Variants in PUDP observed in about 807,000 individuals in gnomAD.
PUDP encodes pseudouridine 5'-phosphatase, also known as pseudouridine-5'-phosphatase.
PUDP carries 8 observed loss-of-function variants against 9.4 expected under a neutral mutation model. That is an observed-to-expected ratio of 0.85 (90% CI 0.50 to 1.53). The LOEUF is 1.53. Among genes scored for constraint, PUDP ranks in the 40% most tolerant of loss-of-function variants. The probability of loss-of-function intolerance (pLI) is 0.00; values close to 1 mark genes in which losing one functional copy is unlikely to be tolerated. For synonymous variants in PUDP, 99 were observed against 80.7 expected (o/e 1.23, Z -1.22); for missense variants, 188 against 189.7 (o/e 0.99, Z 0.05).
intron 3 of PUDP, among the ~76,000 whole-genome samples, chrX:7,067,805 C>T (rs1245630416): frequency 3.6e-5 from 4 of 111,001 alleles, no homozygotes; most frequent in African/African-American, 1.3e-4. Flanking sequence ...CCACAATTCC[C>T]ACATGTTATG....
chrX:6,945,921 C>T (rs766676771), intron 3 of PUDP, among the ~76,000 whole-genome samples: 60 of 111,207 alleles, frequency 5.4e-4, no homozygotes, highest in African/African-American at 1.9e-3. Flanking sequence ...CACGACGAGA[C>T]GGGGTGTCAG....
intron 3 of PUDP, among the ~76,000 whole-genome samples, chrX:6,868,092 A>G (rs1382477088): frequency 8.9e-6 from 1 of 111,935 alleles, no homozygotes; most frequent in African/African-American, 3.3e-5. Flanking sequence ...TTCAAACCAT[A>G]GCAACAGTGG....
intron 3 of PUDP, among the ~76,000 whole-genome samples, chrX:6,895,818 C>T (rs183244881): frequency 3.6e-5 from 4 of 111,488 alleles, no homozygotes; most frequent in East Asian, 2.8e-4. Flanking sequence ...GCTGGGAGTC[C>T]GAGATCTAGC....
At chrX:6,987,448 AAC>A (rs1326624043) in intron 1 of PUDP, among the ~76,000 whole-genome samples, 5 of 112,181 alleles carry the variant, frequency 4.5e-5, no homozygotes, top group Non-Finnish European at 9.4e-5. Flanking sequence ...TGAATTTCTT[AAC>A]ATCACTGAGC....
At chrX:7,035,099 T>G (rs1252463528) in intron 1 of PUDP, among the ~76,000 whole-genome samples, 3 of 111,929 alleles carry the variant, frequency 2.7e-5, no homozygotes, top group African/African-American at 9.7e-5. Context: ...GGATATTAAC[T>G]TCCTTAAGAC....
At chrX:7,000,830 ACAT>A (rs1052206236) in intron 1 of PUDP, among the ~76,000 whole-genome samples, 5 of 108,175 alleles carry the variant, frequency 4.6e-5, no homozygotes, top group African/African-American at 1.3e-4. Context: ...CATAATTGAA[ACAT>A]CATATTTAAT....
intron 3 of PUDP, among the ~76,000 whole-genome samples, chrX:6,883,928 T>C (rs1927385654): frequency 9.0e-6 from 1 of 111,416 alleles, no homozygotes; most frequent in African/African-American, 3.3e-5. Context: ...GCAAGCTCCG[T>C]CTCCCGGGTT....
At chrX:6,906,894 C>A (rs889564313) in intron 3 of PUDP, among the ~76,000 whole-genome samples, 1 of 111,615 alleles carries the variant, frequency 9.0e-6, no homozygotes, top group Non-Finnish European at 1.9e-5. Flanking sequence ...CTCCTTCCTG[C>A]TTCTTGGCTT....
intron 3 of PUDP, among the ~76,000 whole-genome samples, chrX:7,074,586 C>T (rs1324984232): frequency 8.9e-6 from 1 of 112,235 alleles, no homozygotes; most frequent in Non-Finnish European, 1.9e-5. Context: ...ATACTCTGAT[C>T]GCTTCTGGGA....
chrX:6,982,574 A>G (rs143915064), intron 1 of PUDP, among the ~76,000 whole-genome samples: 8,564 of 111,303 alleles, frequency 0.077, 281 homozygotes, highest in Middle Eastern at 0.14. Flanking sequence ...CAAAAGGCCA[A>G]TCTTAGGTTC....
At chrX:6,973,040 G>A (rs1299595120) in intron 3 of PUDP, among the ~76,000 whole-genome samples, 1 of 111,964 alleles carries the variant, frequency 8.9e-6, no homozygotes, top group Non-Finnish European at 1.9e-5. Context: ...ATTTCTGTGG[G>A]ATCAGTGGTG....
At chrX:7,090,533 T>C (rs1931392691) in intron 2 of PUDP, among the ~76,000 whole-genome samples, 1 of 112,091 alleles carries the variant, frequency 8.9e-6, no homozygotes, top group Middle Eastern at 4.6e-3. Context: ...AATCTCCTTA[T>C]TAAATTGCGC....
rs184141668 is a variant in PUDP at position 6,763,813 on chromosome X, C to T, written c.*248-57347G>A. Among the ~76,000 whole-genome samples, 210 of 111,749 alleles carry T rather than the reference C, an allele frequency of 1.9e-3. 1 individual carries two copies. The highest frequency in any genetic ancestry group is 6.4e-3 in the African/African-American group (197 of 30,796). ...TTTTTATACCTCTGGATATATTATC[C>T]TTTAGAAAAGCAGAAAAGGCATAGA... On this transcript the variant is annotated intron_variant and NMD_transcript_variant, in intron 3 of 3. Transcript: ENST00000655425.
Position 7,105,786 on chromosome X carries a change from G to C in PUDP, c.114C>G (p.Asp38Glu). 1 of 1,208,135 alleles carries C rather than the reference G, an allele frequency of 8.3e-7. No homozygotes were observed. Among genetic ancestry groups the C allele is most frequent in the Non-Finnish European group, 1.1e-6 (1 of 893,095 alleles). Residue 38 changes from aspartate (D) to glutamate (E), a missense_variant, in exon 2 of 4, where the codon GAC becomes GAG. By Grantham distance (45) the Asp-to-Glu change is conservative. Coordinates refer to ENST00000381077, the MANE Select transcript of PUDP (RefSeq NM_012080.5). ...VVFQEICNRY[D>E]KKYSWDVKSL... The stretch of plus-strand genomic sequence containing the variant: ...ACTTTACATCCCAGCTGTATTTCTT[G>C]TCATAGCGATTACATATTTCTTGAA...
At chrX:6,860,783 T>C (rs983220881) in intron 3 of PUDP, among the ~76,000 whole-genome samples, 1 of 112,611 alleles carries the variant, frequency 8.9e-6, no homozygotes, top group Non-Finnish European at 1.9e-5. Context: ...GCCCATGTTC[T>C]TAACACTCTC....
At chrX:7,147,980 G>T in intron 1 of PUDP, 73 bp downstream of exon 1, 1 of 831,310 alleles carries the variant, frequency 1.2e-6, no homozygotes, top group Non-Finnish European at 1.7e-6. Context: ...AGGCCGTGAC[G>T]TACCCCGCGC....
At chrX:6,916,673 G>C (rs1435557024) in intron 3 of PUDP, among the ~76,000 whole-genome samples, 1 of 111,732 alleles carries the variant, frequency 8.9e-6, no homozygotes, top group Non-Finnish European at 1.9e-5. Flanking sequence ...AGAGCAGGAA[G>C]ATAAGGTGAA....
At chrX:6,966,932 T>C (rs1928794254) in intron 3 of PUDP, among the ~76,000 whole-genome samples, 1 of 111,872 alleles carries the variant, frequency 8.9e-6, no homozygotes, top group African/African-American at 3.3e-5. Context: ...TCATGTGTGC[T>C]GCTCCCACAG....
chrX:6,745,267 G>C (rs1490481206), intron 3 of PUDP, among the ~76,000 whole-genome samples: 1 of 112,197 alleles, frequency 8.9e-6, no homozygotes, highest in Non-Finnish European at 1.9e-5. Context: ...GCTGATTATA[G>C]AGACTTCCAC....
Sources: gnomAD v4.1 joint callset for allele counts (sites outside exome capture counted in the v4.1 genomes callset) on GRCh38, gnomAD v4.1.1 for gene constraint, MANE v1.5 for transcripts, NCBI Gene and HGNC (gene_info 2026-07-23, HGNC 2026-07-21) for gene names.